The following CDH13 variants were observed in gnomAD, a reference collection of about 807,000 sequenced individuals.
The protein encoded by CDH13 is cadherin-13.
CDH13 carries 24 observed loss-of-function variants against 63.8 expected under a neutral mutation model. The ratio of observed to expected loss-of-function variants is 0.38; its 90% CI spans 0.27 to 0.53. The LOEUF (loss-of-function observed/expected upper bound fraction) is 0.53, where lower values mean the gene tolerates loss of function less well. CDH13 is among the 20% of genes least tolerant of loss of function. The probability of loss-of-function intolerance (pLI) is 0.85; values close to 1 mark genes in which losing one functional copy is unlikely to be tolerated. For synonymous variants in CDH13, 503 were observed against 355.3 expected (o/e 1.42, Z -4.67); for missense variants, 1,049 against 903.1 (o/e 1.16, Z -2.07).
chr16:82,910,504 A>G (rs1181240783), intron 2 of CDH13, among the ~76,000 whole-genome samples: 4 of 152,124 alleles, frequency 2.6e-5, no homozygotes, highest in African/African-American at 9.7e-5. Flanking sequence ...TATCTTCCCC[A>G]GACAAACCTT....
Position 83,025,988 on chromosome 16 carries a change from A to G in CDH13, c.158-6022A>G, listed in dbSNP as rs987643839. 2.6e-5 allele frequency among the ~76,000 whole-genome samples: 4 copies of G among 152,342 alleles called. No homozygotes were observed. The East Asian group carries it at 7.7e-4, about 29-fold the overall frequency. On this transcript the variant is annotated intron_variant, in intron 2 of 13. Coordinates refer to ENST00000567109, the MANE Select transcript of CDH13 (RefSeq NM_001257.5). ...TTGCTATTCTTTTTAATGCTCCTTC[A>G]GCATTTCTTAGATGGCCAGCCTTGA...
chr16:83,459,003 T>C (rs2073099544), intron 6 of CDH13, among the ~76,000 whole-genome samples: 1 of 152,256 alleles, frequency 6.6e-6, no homozygotes, highest in Admixed American at 6.5e-5. Context: ...TTCTTTTTAT[T>C]TAACATCTTA....
chr16:82,933,253 G>C (rs774267423), intron 2 of CDH13, among the ~76,000 whole-genome samples: 1 of 152,126 alleles, frequency 6.6e-6, no homozygotes. Flanking sequence ...CAGTATGGCC[G>C]AAGGGGAAGC....
intron 8 of CDH13, among the ~76,000 whole-genome samples, chr16:83,659,507 C>G (rs1913242931): frequency 1.3e-5 from 2 of 152,264 alleles, no homozygotes; most frequent in South Asian, 2.1e-4. Flanking sequence ...GTGGTTACCT[C>G]AAGCTGTTGT....
At chr16:82,680,688 CTACT>C (rs1452809585) in intron 1 of CDH13, among the ~76,000 whole-genome samples, 1 of 152,164 alleles carries the variant, frequency 6.6e-6, no homozygotes, top group Admixed American at 6.5e-5. Flanking sequence ...ATTTAATAGA[CTACT>C]TACAAAAATG....
At chr16:83,649,424 T>C (rs1320609652) in intron 8 of CDH13, among the ~76,000 whole-genome samples, 2 of 152,202 alleles carry the variant, frequency 1.3e-5, no homozygotes, top group Non-Finnish European at 1.5e-5. Flanking sequence ...CGGGCCCCTC[T>C]TGTGAAGGGA....
chr16:82,969,193 C>G (rs1355885705), intron 2 of CDH13, among the ~76,000 whole-genome samples: 1 of 152,194 alleles, frequency 6.6e-6, no homozygotes, highest in African/African-American at 2.4e-5. Context: ...CAAAGGCCAG[C>G]AAACTTTCCT....
At chr16:82,717,189 G>A (rs1221752599) in intron 1 of CDH13, among the ~76,000 whole-genome samples, 2 of 152,024 alleles carry the variant, frequency 1.3e-5, no homozygotes, top group Admixed American at 1.3e-4. Flanking sequence ...GGCCCAACAA[G>A]GCTCCTGAAC....
intron 7 of CDH13, among the ~76,000 whole-genome samples, chr16:83,525,894 C>T (rs773774040): frequency 9.2e-5 from 14 of 152,106 alleles, no homozygotes; most frequent in African/African-American, 2.4e-5. Context: ...GAGGAGGGGC[C>T]ACAAACCAAG....
In CDH13 at chr16:83,559,701, C is replaced by T. The variant is rs542995427; in HGVS notation, c.961-42753C>T. Among the ~76,000 whole-genome samples, 35 of 152,152 alleles carry T rather than the reference C, an allele frequency of 2.3e-4. No homozygotes were observed. The South Asian group carries it at 7.1e-3, about 31-fold the overall frequency. The stretch of plus-strand genomic sequence containing the variant: ...CCCTGAGGTAGGCACCTTAATTCTA[C>T]CCATTTTTCACCTTAATTCTAACCA... On this transcript the variant is annotated intron_variant, in intron 7 of 13. Transcript: ENST00000567109.
intron 2 of CDH13, among the ~76,000 whole-genome samples, chr16:82,927,967 T>C (rs1299381908): frequency 6.6e-6 from 1 of 152,204 alleles, no homozygotes; most frequent in Admixed American, 6.5e-5. Flanking sequence ...TGGGGAGATA[T>C]ATGGTTCTAA....
chr16:83,267,500 A>C (rs990815450), intron 5 of CDH13, among the ~76,000 whole-genome samples: 18 of 152,182 alleles, frequency 1.2e-4, no homozygotes, highest in Non-Finnish European at 2.5e-4. Context: ...TTTAATTGCC[A>C]CTGTGATGAT....
intron 2 of CDH13, among the ~76,000 whole-genome samples, chr16:82,918,078 A>C (rs12919606): frequency 6.6e-6 from 1 of 152,036 alleles, no homozygotes; most frequent in Non-Finnish European, 1.5e-5. Flanking sequence ...GTTGTGCACA[A>C]ACCTGCTGCG....
At chr16:83,082,607 G>T (rs1201682440) in intron 3 of CDH13, among the ~76,000 whole-genome samples, 3 of 152,168 alleles carry the variant, frequency 2.0e-5, no homozygotes, top group African/African-American at 7.2e-5. Flanking sequence ...TCGTGCCACT[G>T]CATTCCAGCC....
chr16:82,879,927 A>G (rs1222249126), intron 2 of CDH13, among the ~76,000 whole-genome samples: 3 of 136,298 alleles, frequency 2.2e-5, no homozygotes, highest in Non-Finnish European at 4.6e-5. Context: ...GATATTATAG[A>G]AATATATAAT....
chr16:83,792,644 T>C (rs1265578636), intron 13 of CDH13, among the ~76,000 whole-genome samples: 1 of 152,138 alleles, frequency 6.6e-6, no homozygotes, highest in African/African-American at 2.4e-5. Flanking sequence ...CAAAGAATTA[T>C]CCAACCCCAA....
At chr16:83,168,464 A>G (rs987664359) in intron 4 of CDH13, among the ~76,000 whole-genome samples, 7 of 152,046 alleles carry the variant, frequency 4.6e-5, no homozygotes, top group African/African-American at 1.7e-4. Context: ...CCCAAATGCT[A>G]ATAGTAGCTA....
At chr16:82,791,460 C>T in intron 1 of CDH13, among the ~76,000 whole-genome samples, 1 of 152,192 alleles carries the variant, frequency 6.6e-6, no homozygotes, top group East Asian at 1.9e-4. Context: ...TAAACCCAGG[C>T]ATTCGAGCAG....
chr16:83,325,121 T>C (rs1048295209), intron 5 of CDH13, among the ~76,000 whole-genome samples: 6 of 152,210 alleles, frequency 3.9e-5, no homozygotes, highest in South Asian at 2.1e-4. Flanking sequence ...TATTATATTC[T>C]TCCATGTTTC....
Sources: allele counts gnomAD v4.1 joint callset (sites outside exome capture counted in the v4.1 genomes callset), GRCh38; gene constraint gnomAD v4.1.1; transcripts MANE v1.5; gene names NCBI Gene and HGNC (gene_info 2026-07-23, HGNC 2026-07-21).